MAPK1IP1L: variants seen among roughly 807,000 people sequenced by gnomAD.
The protein encoded by MAPK1IP1L is mitogen-activated protein kinase 1 interacting protein 1 like, also known as MAPK-interacting and spindle-stabilizing protein-like.
MAPK1IP1L carries 10 observed loss-of-function variants against 18.1 expected under a neutral mutation model. The ratio of observed to expected loss-of-function variants is 0.55; its 90% confidence interval spans 0.34 to 0.94. The LOEUF (loss-of-function observed/expected upper bound fraction) is 0.94. Ranked by LOEUF, MAPK1IP1L falls within the 40% of genes least tolerant of loss-of-function variation. The pLI, the probability that MAPK1IP1L is intolerant of heterozygous loss-of-function variation, is 0.02. For synonymous variants in MAPK1IP1L, 115 were observed against 117.3 expected (o/e 0.98, Z 0.13); for missense variants, 260 against 318.2 (o/e 0.82, Z 1.39).
chr14:55,056,933 A>G (rs2042776980), intron 1 of MAPK1IP1L, among the ~76,000 whole-genome samples: 2 of 152,244 alleles, frequency 1.3e-5, no homozygotes, highest in African/African-American at 4.8e-5. Flanking sequence ...TGCTAAGAAT[A>G]CAAAGGTGGC....
At chr14:55,062,220 C>T (rs941506868) in intron 2 of MAPK1IP1L, among the ~76,000 whole-genome samples, 5 of 152,168 alleles carry the variant, frequency 3.3e-5, no homozygotes, top group African/African-American at 4.8e-5. Flanking sequence ...CTCAAGTTAA[C>T]CCTAAAACAG....
chr14:55,064,548 C>A, intron 3 of MAPK1IP1L, 68 bp from the exon 4 acceptor site: 2 of 1,373,214 alleles, frequency 1.5e-6, no homozygotes, highest in Non-Finnish European at 2.1e-6. Flanking sequence ...TACTTTAAGC[C>A]ACAGTAAGGA....
intron 2 of MAPK1IP1L, among the ~76,000 whole-genome samples, chr14:55,062,001 A>G (rs2042821741): frequency 6.6e-6 from 1 of 152,216 alleles, no homozygotes; most frequent in African/African-American, 2.4e-5. Flanking sequence ...AGATTTTGAT[A>G]GGTGATTTGC....
chr14:55,051,832 C>G (rs755263844), intron 1 of MAPK1IP1L, 29 bp downstream of exon 1: 2 of 459,220 alleles, frequency 4.4e-6, no homozygotes, highest in Non-Finnish European at 8.8e-6. Context: ...TAGTGGGAGT[C>G]GTGAAGGGGA....
At chr14:55,064,518 G>C in intron 3 of MAPK1IP1L, 98 bp from the exon 4 acceptor site, 1 of 1,016,712 alleles carries the variant, frequency 9.8e-7, no homozygotes. Context: ...TTGCTGTTTG[G>C]ATTTATTAAG....
At chr14:55,052,499 C>T (rs2042738703) in intron 1 of MAPK1IP1L, among the ~76,000 whole-genome samples, 1 of 152,080 alleles carries the variant, frequency 6.6e-6, no homozygotes, top group African/African-American at 2.4e-5. Flanking sequence ...CATAGCTGGA[C>T]CGTTTTCCTC....
At chr14:55,057,479 C>G (rs1200156498) in intron 1 of MAPK1IP1L, among the ~76,000 whole-genome samples, 1 of 152,188 alleles carries the variant, frequency 6.6e-6, no homozygotes, top group East Asian at 1.9e-4. Context: ...TTTAAATGAG[C>G]TGGGCGCAGT....
intron 1 of MAPK1IP1L, among the ~76,000 whole-genome samples, chr14:55,060,126 A>G (rs1231265889): frequency 1.4e-5 from 2 of 145,516 alleles, no homozygotes; most frequent in Non-Finnish European, 3.0e-5. Context: ...CCTTTAAGAG[A>G]TCTACAGATA....
intron 2 of MAPK1IP1L, among the ~76,000 whole-genome samples, chr14:55,062,029 A>G (rs1001126252): frequency 1.9e-4 from 29 of 152,352 alleles, no homozygotes; most frequent in African/African-American, 7.0e-4. Context: ...TACTGAGATA[A>G]TAGCATGTTT....
chr14:55,059,666 G>A (rs2042800256), intron 1 of MAPK1IP1L, among the ~76,000 whole-genome samples: 1 of 152,192 alleles, frequency 6.6e-6, no homozygotes, highest in Admixed American at 6.5e-5. Flanking sequence ...GAGTCATACT[G>A]GGTTTGAACT....
chr14:55,058,221 G>T (rs928287369), intron 1 of MAPK1IP1L, among the ~76,000 whole-genome samples: 1 of 152,220 alleles, frequency 6.6e-6, no homozygotes, highest in African/African-American at 2.4e-5. Context: ...AAAGATGGGA[G>T]AATGAGCCAG....
At chr14:55,056,756 T>G (rs1007762269) in intron 1 of MAPK1IP1L, among the ~76,000 whole-genome samples, 10 of 152,162 alleles carry the variant, frequency 6.6e-5, no homozygotes, top group Non-Finnish European at 1.3e-4. Context: ...TGATCCGCCC[T>G]CCTCGGCCTC....
Position 55,064,744 on chromosome 14 carries a change from C to T in MAPK1IP1L, c.*117C>T. ...AGAGGGCATTCATGAAAGAACAACT[C>T]TTGCACCTCTCAGAGAAGATAACTG... On this transcript the variant is annotated 3_prime_UTR_variant, in exon 4 of 4. Coordinates refer to ENST00000395468, the MANE Select transcript of MAPK1IP1L (RefSeq NM_144578.4). 2.2e-6 allele frequency: 2 copies of T among 911,304 alleles called. No individual in the cohort carries two copies. The allele number at this position is 911,304 out of a possible 1,614,324, so 56.5% of individuals were successfully genotyped here. A position where few individuals can be genotyped will look rare whatever the true frequency, so the allele number is the denominator to read the frequency against.
At chr14:55,063,839 G>A (rs1187336322) in intron 3 of MAPK1IP1L, 1 of 152,782 alleles carries the variant, frequency 6.5e-6, no homozygotes, top group Non-Finnish European at 1.5e-5. Context: ...AATGCTTTAT[G>A]CTTTACTGTC....
rs536940021 is a variant in MAPK1IP1L at position 55,051,694 on chromosome 14, G to T, written c.-114G>T. The stretch of plus-strand genomic sequence containing the variant: ...GGAGCCGCGCGCTGCTGGTGCTGTT[G>T]CCGCCGCTGCTCTAGCTGCCGTCAG... On this transcript the variant is annotated 5_prime_UTR_variant, in exon 1 of 4. Transcript: ENST00000395468. 20 of 516,188 alleles carry T rather than the reference G, an allele frequency of 3.9e-5. No individual in the cohort carries two copies. Among genetic ancestry groups the T allele is most frequent in the South Asian group, 2.8e-4 (20 of 71,462 alleles). 32.0% of individuals were successfully genotyped at this position (516,188 alleles called of 1,614,324 possible).
chr14:55,062,665 G>T lies in MAPK1IP1L; in HGVS notation c.66G>T (p.Val22=). The T allele has an allele frequency of 6.2e-7, 1 of 1,614,076 alleles. No individual in the cohort carries two copies. The highest frequency in any genetic ancestry group is 1.1e-5 in the South Asian group (1 of 91,074). The change falls in exon 3 of 4, where the codon GTG becomes GTT. Residue 22 remains valine (V), a synonymous_variant. Coordinates refer to ENST00000395468, the MANE Select transcript of MAPK1IP1L (RefSeq NM_144578.4). Reference sequence around the variant, plus strand: ...ACTCCCCTGCCAAAACCTCTGCTGTGAGCAATACAAAACCTGGCCAACCTC... The same window carrying T: ...ACTCCCCTGCCAAAACCTCTGCTGTTAGCAATACAAAACCTGGCCAACCTC... ...PEHSPAKTSA[V]SNTKPGQPPQ... is the part of the protein sequence containing the mutation.
chr14:55,063,296 G>A lies in MAPK1IP1L; in HGVS notation c.697G>A (p.Gly233Ser). The A allele has an allele frequency of 6.2e-7, 1 of 1,613,364 alleles. No homozygotes were observed. The highest frequency in any genetic ancestry group is 8.5e-7 in the Non-Finnish European group (1 of 1,179,526). The change falls in exon 3 of 4, where the codon GGT becomes AGT. Residue 233 changes from glycine (G) to serine (S), a missense_variant. By Grantham distance (56) the Gly-to-Ser change is moderately conservative (BLOSUM62 0). Coordinates refer to ENST00000395468, the MANE Select transcript of MAPK1IP1L (RefSeq NM_144578.4). Reference protein sequence around the residue: ...NPFQVPSGPSGAPPMPGGPHS... With the variant: ...NPFQVPSGPSSAPPMPGGPHS... ...TTTCCAAGTGCCTTCAGGACCTTCT[G>A]GTGCTCCACCAATGCCTGGTGGCCC...
In MAPK1IP1L at chr14:55,064,975, C is replaced by G. The variant is rs1321950611; in HGVS notation, c.*348C>G. The G allele has an allele frequency of 1.0e-5, 2 of 199,852 alleles. No homozygotes were observed. The highest frequency in any genetic ancestry group is 2.0e-5 in the Non-Finnish European group (2 of 100,052). 12.4% of individuals were successfully genotyped at this position (199,852 alleles called of 1,614,324 possible). ...TGTGGATTATTGTTAGAATCTGCAA[C>G]TTCATTGGCAAATTATTTCAAGTAT... is the stretch of plus-strand genomic sequence containing the variant. On this transcript the variant is annotated 3_prime_UTR_variant, in exon 4 of 4. Coordinates refer to ENST00000395468, the MANE Select transcript of MAPK1IP1L (RefSeq NM_144578.4).
intron 1 of MAPK1IP1L, among the ~76,000 whole-genome samples, chr14:55,055,584 C>A (rs1490267864): frequency 6.6e-6 from 1 of 152,112 alleles, no homozygotes; most frequent in East Asian, 1.9e-4. Flanking sequence ...ACGTCCTAGG[C>A]AGGAGGGGGC....
Sources: gnomAD v4.1 joint callset for allele counts (sites outside exome capture counted in the v4.1 genomes callset) on GRCh38, gnomAD v4.1.1 for gene constraint, MANE v1.5 for transcripts, NCBI Gene and HGNC (gene_info 2026-07-23, HGNC 2026-07-21) for gene names.